The following KCNK2 variants were observed in gnomAD, a reference collection of about 807,000 sequenced individuals.
KCNK2 encodes the protein potassium channel subfamily K member 2.
KCNK2 carries 21 observed loss-of-function variants against 40.5 expected under a neutral mutation model. The observed-to-expected ratio is 0.52, with a 90% CI of 0.37 to 0.75. The LOEUF (loss-of-function observed/expected upper bound fraction) is 0.75. Ranked by LOEUF, KCNK2 falls within the 30% of genes least tolerant of loss-of-function variation. The pLI is 0.00. For missense variants in KCNK2, 399 were observed against 531.6 expected (o/e 0.75, Z 2.45); for synonymous variants, 191 against 202.2 (o/e 0.94, Z 0.47).
chr1:215,022,570 T>A (rs1430456383), intron 1 of KCNK2, among the ~76,000 whole-genome samples: 1 of 152,196 alleles, frequency 6.6e-6, no homozygotes, highest in Non-Finnish European at 1.5e-5. Flanking sequence ...TCAAATGCTA[T>A]CATGCCAAGG....
At chr1:215,127,966 C>G (rs985106684) in intron 3 of KCNK2, among the ~76,000 whole-genome samples, 1 of 152,106 alleles carries the variant, frequency 6.6e-6, no homozygotes, top group African/African-American at 2.4e-5. Flanking sequence ...CACTCTGTTG[C>G]TGTAAAGATA....
At chr1:215,007,025 A>ATGTGTGTGTGTGTGTGTGTGTGTGTG (rs1164769909) in intron 1 of KCNK2, among the ~76,000 whole-genome samples, 2 of 32,034 alleles carry the variant, frequency 6.2e-5, no homozygotes, top group African/African-American at 1.4e-4. Context: ...ATATATATAT[A>ATGTGTGTGTGTGTGTGTGTGTGTGTG]TATATATATA....
At chr1:215,156,514 A>G (rs569517462) in intron 3 of KCNK2, among the ~76,000 whole-genome samples, 1 of 152,300 alleles carries the variant, frequency 6.6e-6, no homozygotes, top group South Asian at 2.1e-4. Flanking sequence ...GGTAAATGTT[A>G]GCTGGCTGAT....
At chr1:215,098,182 A>G (rs1213986874) in intron 2 of KCNK2, among the ~76,000 whole-genome samples, 6 of 145,962 alleles carry the variant, frequency 4.1e-5, no homozygotes, top group African/African-American at 9.8e-5. Flanking sequence ...TAAGACTTTG[A>G]TAAGTGTTCA....
At position 215,041,195 on chromosome 1, in the gene KCNK2, C is replaced by T. The variant is rs192854941; in HGVS notation, c.34+35240C>T. Among the ~76,000 whole-genome samples the T allele has an allele frequency of 2.2e-4, 34 of 152,230 alleles. No individual in the cohort carries two copies. The East Asian group carries it at 5.2e-3, about 23-fold the overall frequency. ...GTTTTCTTTTTGGAGATTAAGTAAG[C>T]GGCTCTGCCACTTCTTAGCGATTTA... On this transcript the variant is annotated intron_variant, in intron 1 of 6. Coordinates refer to the KCNK2 transcript ENST00000391895.
At chr1:215,061,608 A>G (rs1558073575) in intron 1 of KCNK2, among the ~76,000 whole-genome samples, 1 of 152,156 alleles carries the variant, frequency 6.6e-6, no homozygotes, top group Non-Finnish European at 1.5e-5. Context: ...GAAACTTCTG[A>G]TAGTCTGTCA....
intron 3 of KCNK2, among the ~76,000 whole-genome samples, chr1:215,162,644 G>A (rs1368267444): frequency 6.6e-6 from 1 of 152,092 alleles, no homozygotes; most frequent in African/African-American, 2.4e-5. Context: ...CATATAGCTA[G>A]CCAGTTTTCC....
At chr1:215,109,990 G>A (rs767652487) in intron 2 of KCNK2, among the ~76,000 whole-genome samples, 1 of 151,798 alleles carries the variant, frequency 6.6e-6, no homozygotes, top group Non-Finnish European at 1.5e-5. Context: ...AGCATTTTTT[G>A]TATACCTGCT....
At chr1:215,117,315 G>C (rs1660989200) in intron 2 of KCNK2, among the ~76,000 whole-genome samples, 1 of 152,024 alleles carries the variant, frequency 6.6e-6, no homozygotes, top group Non-Finnish European at 1.5e-5. Context: ...AATACAACTT[G>C]AATTTCCAGT....
intron 1 of KCNK2, among the ~76,000 whole-genome samples, chr1:215,064,726 T>A (rs1220872879): frequency 6.6e-6 from 1 of 152,220 alleles, no homozygotes; most frequent in African/African-American, 2.4e-5. Context: ...CCACTCTGTT[T>A]TTCTTTAACG....
chr1:215,196,878 A>G (rs560661898), intron 6 of KCNK2, among the ~76,000 whole-genome samples: 1 of 152,296 alleles, frequency 6.6e-6, no homozygotes, highest in African/African-American at 2.4e-5. Flanking sequence ...TGGCTTTCAA[A>G]TGGATTTGAA....
intron 3 of KCNK2, among the ~76,000 whole-genome samples, chr1:215,129,886 A>G (rs1219371762): frequency 6.6e-6 from 1 of 152,210 alleles, no homozygotes; most frequent in Non-Finnish European, 1.5e-5. Flanking sequence ...AGACCATTGA[A>G]AAATGTGGTA....
intron 2 of KCNK2, among the ~76,000 whole-genome samples, chr1:215,089,022 A>G (rs906529490): frequency 3.3e-5 from 5 of 152,216 alleles, no homozygotes; most frequent in African/African-American, 1.2e-4. Context: ...AATCATTACA[A>G]TGCCATGACT....
intron 1 of KCNK2, among the ~76,000 whole-genome samples, chr1:215,045,690 AT>A (rs968960768): frequency 2.0e-5 from 3 of 152,162 alleles, no homozygotes; most frequent in African/African-American, 7.2e-5. Context: ...GTCTTGAATA[AT>A]TTTTTTAAAT....
chr1:215,032,103 ATTTTT>A (rs368295671), intron 1 of KCNK2, among the ~76,000 whole-genome samples: 2 of 137,714 alleles, frequency 1.5e-5, no homozygotes, highest in African/African-American at 5.3e-5. Context: ...TCAATTAAGG[ATTTTT>A]TTTTTTTTTT....
At chr1:215,017,918 T>G (rs1656649036) in intron 1 of KCNK2, among the ~76,000 whole-genome samples, 1 of 152,140 alleles carries the variant, frequency 6.6e-6, no homozygotes, top group Admixed American at 6.5e-5. Flanking sequence ...GGCAGATACA[T>G]GTGAAATTCT....
chr1:215,045,645 T>A (rs1657742093), intron 1 of KCNK2, among the ~76,000 whole-genome samples: 1 of 152,204 alleles, frequency 6.6e-6, no homozygotes, highest in Non-Finnish European at 1.5e-5. Context: ...GTCCTTGAAT[T>A]ATCTAAAAGC....
rs10637132 is a variant in KCNK2, at chr1:215,007,145, G to GTATA, written c.34+1198_34+1201dup. Among the ~76,000 whole-genome samples the GTATA allele has an allele frequency of 3.4e-5, 4 of 116,558 alleles. 1 individual carries two copies. The highest frequency in any genetic ancestry group is 1.5e-4 in the African/African-American group (4 of 26,626). 76.5% of individuals were successfully genotyped at this position (116,558 alleles called of 152,430 possible). A position where few individuals can be genotyped will look rare whatever the true frequency, so the allele number is the denominator to read the frequency against. ...TGTATATATATGTGTATATATATGT[G>GTATA]TATATATATATGTATGTATATATAT... On this transcript the variant is annotated intron_variant, in intron 1 of 6. Coordinates refer to the KCNK2 transcript ENST00000391895.
intron 3 of KCNK2, among the ~76,000 whole-genome samples, chr1:215,159,959 A>T (rs903183231): frequency 1.3e-5 from 2 of 152,174 alleles, no homozygotes; most frequent in Admixed American, 6.6e-5. Context: ...ACAGATTCAA[A>T]TCAAGGAATA....
Sources: allele counts gnomAD v4.1 joint callset (sites outside exome capture counted in the v4.1 genomes callset), GRCh38; gene constraint gnomAD v4.1.1; transcripts MANE v1.5; gene names NCBI Gene and HGNC (gene_info 2026-07-23, HGNC 2026-07-21).